SPIC: variants seen among roughly 807,000 people sequenced by gnomAD.
SPIC encodes the protein Spi-C transcription factor.
A neutral mutation model predicts 16.7 loss-of-function variants in SPIC; 9 were observed. The observed-to-expected ratio is 0.54, with a 90% CI of 0.33 to 0.94. The LOEUF (loss-of-function observed/expected upper bound fraction) is 0.94, where lower values mean the gene tolerates loss of function less well. Ranked by LOEUF, SPIC falls within the 40% of genes least tolerant of loss-of-function variation. The probability of loss-of-function intolerance (pLI) is 0.03; values close to 1 mark genes in which losing one functional copy is unlikely to be tolerated. For missense variants in SPIC, 241 were observed against 285.8 expected (o/e 0.84, Z 1.13); for synonymous variants, 97 against 102.9 (o/e 0.94, Z 0.35).
intron 4 of SPIC, 65 bp downstream of exon 4, chr12:101,479,759 A>C (rs1873130035): frequency 8.1e-7 from 1 of 1,232,514 alleles, no homozygotes; most frequent in Non-Finnish European, 1.2e-6. Flanking sequence ...TCCATTTCAC[A>C]TACACTGTCT....
At chr12:101,480,155 T>C (rs1174256051) in intron 4 of SPIC, among the ~76,000 whole-genome samples, 1 of 152,230 alleles carries the variant, frequency 6.6e-6, no homozygotes, top group African/African-American at 2.4e-5. Flanking sequence ...TAGTCTGAAC[T>C]TGACAGTCAA....
intron 4 of SPIC, among the ~76,000 whole-genome samples, chr12:101,480,158 A>G (rs1873142486): frequency 6.6e-6 from 1 of 152,204 alleles, no homozygotes; most frequent in African/African-American, 2.4e-5. Context: ...TCTGAACTTG[A>G]CAGTCAACAT....
chr12:101,484,755 G>A (rs1392421352), intron 5 of SPIC, among the ~76,000 whole-genome samples: 3 of 151,038 alleles, frequency 2.0e-5, no homozygotes, highest in Admixed American at 6.6e-5. Flanking sequence ...CAGATCACTC[G>A]AGGTCAGGAG....
intron 4 of SPIC, among the ~76,000 whole-genome samples, chr12:101,480,000 G>A (rs879467786): frequency 1.3e-5 from 2 of 151,810 alleles, no homozygotes; most frequent in African/African-American, 2.4e-5. Context: ...TATTTTTAGT[G>A]GAGACAGGAT....
At chr12:101,483,754 G>A (rs574455202) in intron 5 of SPIC, among the ~76,000 whole-genome samples, 3 of 151,800 alleles carry the variant, frequency 2.0e-5, no homozygotes, top group South Asian at 2.1e-4. Context: ...TCACCACCAC[G>A]CCTGGCCCGT....
At chr12:101,478,964 C>T (rs980371103) in intron 3 of SPIC, among the ~76,000 whole-genome samples, 24 of 150,496 alleles carry the variant, frequency 1.6e-4, no homozygotes, top group Admixed American at 6.6e-4. Flanking sequence ...TGGCAAAACC[C>T]TGTCTCTACA....
In SPIC at chr12:101,475,425, T is replaced by A. The variant is rs1011329365; in HGVS notation, c.-155T>A. The A allele has an allele frequency of 6.6e-6, 1 of 152,290 alleles. No individual in the cohort carries two copies. Among genetic ancestry groups the A allele is most frequent in the African/African-American group, 2.4e-5 (1 of 41,568 alleles). 9.4% of individuals were successfully genotyped at this position (152,290 alleles called of 1,614,324 possible). On this transcript the variant is annotated 5_prime_UTR_variant, in exon 1 of 6. Coordinates refer to ENST00000551346, the MANE Select transcript of SPIC (RefSeq NM_152323.3). ...ATTGCACTGGAAAATAATTTTTTAT[T>A]TTCATGATAGCCTACCGTTGAATTT...
Position 101,482,774 on chromosome 12 carries a change from G to A in SPIC, c.211-18G>A, listed in dbSNP as rs1873245232. On this transcript the variant is annotated intron_variant, in intron 4 of 5. Coordinates refer to ENST00000551346, the MANE Select transcript of SPIC (RefSeq NM_152323.3). ...CAGGGAAAGTCTCACTTAACATCCT[G>A]CTTCATTATTTATATAGAACAGTGC... 1.9e-6 allele frequency: 3 copies of A among 1,592,630 alleles called. No individual in the cohort carries two copies. The highest frequency in any genetic ancestry group is 1.7e-6 in the Non-Finnish European group (2 of 1,169,656).
rs145523249 is a variant in SPIC, at chr12:101,476,014, C to A, written c.-78+512C>A. The stretch of plus-strand genomic sequence containing the variant: ...GATTACATCATCTCATTTTATTATT[C>A]AAAGTTAAACACTAAAGAGTAAACA... On this transcript the variant is annotated intron_variant, in intron 1 of 5. Coordinates refer to ENST00000551346, the MANE Select transcript of SPIC (RefSeq NM_152323.3). 7.8e-3 allele frequency among the ~76,000 whole-genome samples: 1,183 copies of A among 152,026 alleles called. 13 individuals are homozygous for A. Among genetic ancestry groups the A allele is most frequent in the African/African-American group, 0.027 (1,140 of 41,472 alleles).
intron 3 of SPIC, among the ~76,000 whole-genome samples, chr12:101,478,010 C>CTTTTTT (rs1034919958): frequency 1.3e-5 from 2 of 151,272 alleles, no homozygotes; most frequent in East Asian, 3.9e-4. Flanking sequence ...CAGAGAAGAC[C>CTTTTTT]TTTTTTTTCT....
rs377347931 is a variant in SPIC at position 101,479,567 on chromosome 12, C to G, written c.98-15C>G. 1 of 1,601,738 alleles carries G rather than the reference C, an allele frequency of 6.2e-7. No individual in the cohort carries two copies. Among genetic ancestry groups the G allele is most frequent in the African/African-American group, 1.3e-5 (1 of 74,358 alleles). On this transcript the variant is annotated splice_polypyrimidine_tract_variant and intron_variant, in intron 3 of 5. Coordinates refer to ENST00000551346, the MANE Select transcript of SPIC (RefSeq NM_152323.3). ...ACTTTGACTTTTTTAGTTTCTTTCT[C>G]TGATTTAAAATTAGATTACAGAAAT...
chr12:101,475,771 T>C (rs1412965342), intron 1 of SPIC, among the ~76,000 whole-genome samples: 3 of 152,202 alleles, frequency 2.0e-5, no homozygotes, highest in Admixed American at 6.5e-5. Flanking sequence ...TTCTGCACTT[T>C]TGAGTCAAAG....
At chr12:101,485,781 G>GTTTGT (rs1432748705) in intron 5 of SPIC, among the ~76,000 whole-genome samples, 1 of 152,160 alleles carries the variant, frequency 6.6e-6, no homozygotes, top group Non-Finnish European at 1.5e-5. Flanking sequence ...TCTGTGGAAA[G>GTTTGT]TTTGTTTTGT....
Position 101,480,568 on chromosome 12 carries a change from G to A in SPIC, c.210+874G>A, listed in dbSNP as rs192780667. The stretch of plus-strand genomic sequence containing the variant: ...TATCAAGCGGTCTTCATGGGATGAG[G>A]TATAAATGTGAATTGGTTTTTATTT... On this transcript the variant is annotated intron_variant, in intron 4 of 5. Coordinates refer to ENST00000551346, the MANE Select transcript of SPIC (RefSeq NM_152323.3). Among the ~76,000 whole-genome samples, 9 of 152,306 alleles carry A rather than the reference G, an allele frequency of 5.9e-5. No homozygotes were observed. In the East Asian group the frequency reaches 1.7e-3, roughly 29 times the overall value.
At chr12:101,478,540 G>A (rs182078707) in intron 3 of SPIC, among the ~76,000 whole-genome samples, 1 of 152,076 alleles carries the variant, frequency 6.6e-6, no homozygotes, top group Non-Finnish European at 1.5e-5. Context: ...AAAATGCAGA[G>A]AATATAGAGG....
At chr12:101,479,227 A>AGAAAGAAAGAAAGAAG (rs1873079585) in intron 3 of SPIC, among the ~76,000 whole-genome samples, 2 of 110,788 alleles carry the variant, frequency 1.8e-5, no homozygotes, top group Admixed American at 9.6e-5. Flanking sequence ...AAAGAAGGAA[A>AGAAAGAAAGAAAGAAG]GAAAGAAAGA....
chr12:101,476,752 T>C (rs1872967698), intron 1 of SPIC, 76 bp from the exon 2 acceptor site: 2 of 425,722 alleles, frequency 4.7e-6, no homozygotes, highest in Non-Finnish European at 8.3e-6. Context: ...CAGAAAATAT[T>C]TTTGAGCAAG....
At chr12:101,479,848 GCT>G (rs985395114) in intron 4 of SPIC, among the ~76,000 whole-genome samples, 154 bp downstream of exon 4, 1 of 147,224 alleles carries the variant, frequency 6.8e-6, no homozygotes, top group Non-Finnish European at 1.5e-5. Context: ...ATGGAGTCTG[GCT>G]CTGTCACCCA....
At chr12:101,479,741 G>A (rs1280757177) in intron 4 of SPIC, 47 bp downstream of exon 4, 1 of 1,417,202 alleles carries the variant, frequency 7.1e-7, no homozygotes, top group Admixed American at 1.8e-5. Context: ...TCCTATTCTT[G>A]CCAGCCTTCC....
Sources: allele counts gnomAD v4.1 joint callset (sites outside exome capture counted in the v4.1 genomes callset), GRCh38; gene constraint gnomAD v4.1.1; transcripts MANE v1.5; gene names NCBI Gene and HGNC (gene_info 2026-07-23, HGNC 2026-07-21).